The following FAAH2 variants were observed in gnomAD, a reference collection of about 807,000 sequenced individuals.
FAAH2 encodes the protein fatty-acid amide hydrolase 2.
A neutral mutation model predicts 36.9 loss-of-function variants in FAAH2; 60 were observed. That is an observed-to-expected ratio of 1.63 (90% confidence interval 1.32 to 2.02). The LOEUF is 2.02. Among genes scored for constraint, FAAH2 ranks in the 30% most tolerant of loss-of-function variants. The probability of loss-of-function intolerance (pLI) is 0.00; values close to 1 mark genes in which losing one functional copy is unlikely to be tolerated. For missense variants in FAAH2, 689 were observed against 397.5 expected (o/e 1.73, Z -6.23); for synonymous variants, 214 against 143.8 (o/e 1.49, Z -3.49).
chrX:57,150,797 G>T, the FAAH2 span, among the ~76,000 whole-genome samples: 1 of 111,639 alleles, frequency 9.0e-6, no homozygotes, highest in South Asian at 3.7e-4. Context: ...ATTTGATTCT[G>T]TCTTTATGAT....
intron 10 of FAAH2, among the ~76,000 whole-genome samples, chrX:57,474,604 A>G (rs765217066): frequency 4.5e-5 from 5 of 111,927 alleles, no homozygotes; most frequent in Non-Finnish European, 9.4e-5. Context: ...TACCTAGTCT[A>G]TCACTGATTG....
intron 7 of FAAH2, 60 bp downstream of exon 7, chrX:57,381,089 C>T: frequency 1.2e-6 from 1 of 854,214 alleles, no homozygotes; most frequent in Non-Finnish European, 1.7e-6. Context: ...TCCTTCTGAG[C>T]CCTTTACTTC....
At chrX:57,445,229 C>T (rs1022519115) in intron 8 of FAAH2, among the ~76,000 whole-genome samples, 2 of 111,649 alleles carry the variant, frequency 1.8e-5, no homozygotes, top group Admixed American at 9.6e-5. Flanking sequence ...CTGAGGAATG[C>T]TGTGACTCTT....
intron 7 of FAAH2, among the ~76,000 whole-genome samples, chrX:57,423,551 G>A (rs1298507499): frequency 8.9e-6 from 1 of 111,914 alleles, no homozygotes; most frequent in Non-Finnish European, 1.9e-5. Context: ...TGAGAGTGTG[G>A]AAGCAATGTG....
At chrX:57,342,591 G>A (rs948369655) in intron 5 of FAAH2, among the ~76,000 whole-genome samples, 3 of 111,139 alleles carry the variant, frequency 2.7e-5, no homozygotes, top group African/African-American at 9.8e-5. Context: ...ACTGAAAATT[G>A]GCCTGCTAGG....
intron 10 of FAAH2, among the ~76,000 whole-genome samples, chrX:57,453,906 G>A (rs1263612275): frequency 1.8e-5 from 2 of 111,991 alleles, no homozygotes; most frequent in Non-Finnish European, 3.8e-5. Flanking sequence ...TTGTTCCACA[G>A]GGCCAGCCTG....
intron 7 of FAAH2, among the ~76,000 whole-genome samples, chrX:57,426,986 G>T (rs971836354): frequency 1.8e-5 from 2 of 110,712 alleles, no homozygotes; most frequent in Admixed American, 1.9e-4. Flanking sequence ...AAAATTGACA[G>T]AACTCTCTCT....
chrX:57,129,470 T>C, the FAAH2 span, among the ~76,000 whole-genome samples: 1 of 112,359 alleles, frequency 8.9e-6, no homozygotes, highest in African/African-American at 3.2e-5. Flanking sequence ...TTACATAAAT[T>C]ATAATGAGTC....
intron 2 of FAAH2, among the ~76,000 whole-genome samples, chrX:57,306,938 A>G (rs2052549801): frequency 2.6e-5 from 2 of 75,961 alleles, no homozygotes; most frequent in Admixed American, 3.6e-4. Context: ...GTGTATATAT[A>G]CTATATAGTA....
chrX:57,271,651 C>T, the FAAH2 span, among the ~76,000 whole-genome samples: 1 of 112,092 alleles, frequency 8.9e-6, no homozygotes, highest in African/African-American at 3.2e-5. Context: ...CCAGCAAACT[C>T]CAGCTGACTG....
the FAAH2 span, among the ~76,000 whole-genome samples, chrX:57,128,270 A>G: frequency 8.9e-6 from 1 of 111,869 alleles, no homozygotes; most frequent in Non-Finnish European, 1.9e-5. Context: ...CTTTTATTTA[A>G]GAATATATAT....
intron 5 of FAAH2, among the ~76,000 whole-genome samples, chrX:57,358,041 A>G (rs1042788708): frequency 9.0e-6 from 1 of 111,436 alleles, no homozygotes; most frequent in South Asian, 3.7e-4. Flanking sequence ...TTGCAGGGAC[A>G]TGGATGAATC....
the FAAH2 span, among the ~76,000 whole-genome samples, chrX:57,278,208 C>A: frequency 9.0e-6 from 1 of 111,641 alleles, no homozygotes; most frequent in African/African-American, 3.3e-5. Flanking sequence ...CAGCATGGTA[C>A]TGGTAACAAA....
chrX:57,345,121 A>ATT (rs201155425), intron 5 of FAAH2, among the ~76,000 whole-genome samples: 2 of 95,037 alleles, frequency 2.1e-5, no homozygotes, highest in Non-Finnish European at 4.2e-5. Flanking sequence ...CCTCTCCTCA[A>ATT]TTTTTTTTTT....
intron 3 of FAAH2, among the ~76,000 whole-genome samples, chrX:57,317,537 A>T (rs2052878254): frequency 9.0e-6 from 1 of 111,725 alleles, no homozygotes; most frequent in South Asian, 3.7e-4. Context: ...AGACAAACAA[A>T]GAGACTTAGA....
At chrX:57,355,347 C>T (rs779213906) in intron 5 of FAAH2, among the ~76,000 whole-genome samples, 6 of 110,406 alleles carry the variant, frequency 5.4e-5, no homozygotes, top group Non-Finnish European at 1.1e-4. Context: ...TTTTAGGGAA[C>T]AATGTGAAAT....
chrX:57,164,090 A>C, the FAAH2 span, among the ~76,000 whole-genome samples: 5 of 112,255 alleles, frequency 4.5e-5, no homozygotes, highest in South Asian at 7.4e-4. Flanking sequence ...AAGAAAACAG[A>C]ATCTGAACAA....
chrX:57,442,509 A>C (rs545700685), intron 8 of FAAH2, among the ~76,000 whole-genome samples: 3 of 110,724 alleles, frequency 2.7e-5, no homozygotes, highest in African/African-American at 9.9e-5. Context: ...GTGTCTCTGC[A>C]TGTGATATGG....
intron 5 of FAAH2, among the ~76,000 whole-genome samples, chrX:57,354,236 C>A (rs530598309): frequency 9.0e-6 from 1 of 111,047 alleles, no homozygotes; most frequent in African/African-American, 3.3e-5. Flanking sequence ...TATATATACA[C>A]AATGGAATAC....
Sources: gnomAD v4.1 joint callset for allele counts (sites outside exome capture counted in the v4.1 genomes callset) on GRCh38, gnomAD v4.1.1 for gene constraint, MANE v1.5 for transcripts, NCBI Gene and HGNC (gene_info 2026-07-23, HGNC 2026-07-21) for gene names.